The following ADAM23 variants were observed in gnomAD, a reference collection of about 807,000 sequenced individuals.
ADAM23 encodes disintegrin and metalloproteinase domain-containing protein 23.
ADAM23 carries 33 observed loss-of-function variants against 120.1 expected under a neutral mutation model. That is an observed-to-expected ratio of 0.27 (90% confidence interval 0.21 to 0.37). The LOEUF (loss-of-function observed/expected upper bound fraction) is 0.37, where lower values mean the gene tolerates loss of function less well. ADAM23 is among the 10% of genes least tolerant of loss of function. ADAM23 has a pLI of 1.00. For missense variants in ADAM23, 862 were observed against 1,058.2 expected (o/e 0.81, Z 2.57); for synonymous variants, 367 against 375.2 (o/e 0.98, Z 0.25).
rs372045799 is a variant in ADAM23 at position 206,459,764 on chromosome 2, C to T, written c.432+14240C>T. ...TAGCCCGTCCCTCCCAAATCCTTCC[C>T]ATCTGGTTAAATGGAACATCACCTT... is the stretch of plus-strand genomic sequence containing the variant. On this transcript the variant is annotated intron_variant, in intron 2 of 25. Coordinates refer to ENST00000264377, the MANE Select transcript of ADAM23 (RefSeq NM_003812.4). 2.0e-4 allele frequency among the ~76,000 whole-genome samples: 31 copies of T among 152,326 alleles called. No individual in the cohort carries two copies. The East Asian group carries it at 5.6e-3, about 27-fold the overall frequency.
intron 22 of ADAM23, 60 bp from the exon 23 acceptor site, chr2:206,594,677 T>C: frequency 1.9e-6 from 3 of 1,592,120 alleles, no homozygotes; most frequent in Non-Finnish European, 2.6e-6. Context: ...CAAGCCTCAT[T>C]CATGGAATGA....
chr2:206,588,180 G>T lies in ADAM23; in HGVS notation c.1852+26G>T, dbSNP rs370578839. Reference sequence around the variant, plus strand: ...GTAGGTCGCACCTCCTTGCTTGGCGGTTACACATACCATTTTCTCTTAATA... The same window carrying T: ...GTAGGTCGCACCTCCTTGCTTGGCGTTTACACATACCATTTTCTCTTAATA... On this transcript the variant is annotated intron_variant, in intron 20 of 25. Coordinates refer to ENST00000264377, the MANE Select transcript of ADAM23 (RefSeq NM_003812.4). 258 of 1,610,952 alleles carry T rather than the reference G, an allele frequency of 1.6e-4. 3 individuals are homozygous for T. In the Admixed American group the frequency reaches 3.5e-3, roughly 22 times the overall value.
At chr2:206,531,224 G>C (rs1697055426) in intron 4 of ADAM23, among the ~76,000 whole-genome samples, 1 of 152,210 alleles carries the variant, frequency 6.6e-6, no homozygotes, top group East Asian at 1.9e-4. Context: ...GCACCTGAAA[G>C]TAGTTAGTAA....
rs544923055 is a variant in ADAM23, at chr2:206,518,445, C to T, written c.510-12440C>T. Among the ~76,000 whole-genome samples the T allele has an allele frequency of 2.9e-3, 440 of 152,146 alleles. 3 individuals carry two copies. The highest frequency in any genetic ancestry group is 3.1e-3 in the Non-Finnish European group (213 of 67,964). On this transcript the variant is annotated intron_variant, in intron 3 of 25. Transcript: ENST00000264377. ...CAAATTTGCTTATTATAAGATTTTG[C>T]TGGATGAGTACTTATATTTTCAGTA...
intron 4 of ADAM23, among the ~76,000 whole-genome samples, chr2:206,535,009 T>C (rs1283053944): frequency 1.3e-5 from 2 of 151,810 alleles, no homozygotes; most frequent in African/African-American, 2.4e-5. Context: ...GAGTACATTC[T>C]CTCCACCTTT....
chr2:206,599,176 G>A (rs928590306), intron 24 of ADAM23, among the ~76,000 whole-genome samples: 3 of 149,240 alleles, frequency 2.0e-5, no homozygotes, highest in African/African-American at 7.4e-5. Flanking sequence ...TTGTACTCCA[G>A]CCTGGGTAAC....
At chr2:206,554,813 G>T (rs1310048348) in intron 9 of ADAM23, among the ~76,000 whole-genome samples, 2 of 152,080 alleles carry the variant, frequency 1.3e-5, no homozygotes, top group East Asian at 3.9e-4. Context: ...TAAACCCTAG[G>T]TGTCCAATTA....
chr2:206,607,574 T>A (rs139954649), intron 24 of ADAM23, among the ~76,000 whole-genome samples: 2 of 152,220 alleles, frequency 1.3e-5, no homozygotes, highest in African/African-American at 4.8e-5. Flanking sequence ...GTCCTTGTTA[T>A]CAGCATTTGT....
At position 206,617,772 on chromosome 2, in the gene ADAM23, G is replaced by T; in HGVS notation, c.*145G>T. 6.9e-7 allele frequency: 1 copy of T among 1,455,184 alleles called. No individual in the cohort carries two copies. The highest frequency in any genetic ancestry group is 9.1e-7 in the Non-Finnish European group (1 of 1,101,124). The allele number at this position is 1,455,184 out of a possible 1,614,324, so 90.1% of individuals were successfully genotyped here. A position where few individuals can be genotyped will look rare whatever the true frequency, so the allele number is the denominator to read the frequency against. ...GAGCTAAAGTTGGGGTGACAAGGAT[G>T]GGGTAAAAGAAAACTGTCTCTTTTG... On this transcript the variant is annotated 3_prime_UTR_variant, in exon 26 of 26. Coordinates refer to ENST00000264377, the MANE Select transcript of ADAM23 (RefSeq NM_003812.4).
chr2:206,573,200 G>A lies in ADAM23; in HGVS notation c.1737+5G>A, dbSNP rs371384382. 1.8e-5 allele frequency: 29 copies of A among 1,613,640 alleles called. No individual in the cohort carries two copies. In the African/African-American group the frequency reaches 3.5e-4, roughly 19 times the overall value. ...TGTACTGGAGACTCTGGTCAGGTATGGCGCACTGAGTTTTTGGTAATACAT... is the reference window on the plus strand; with the variant it reads ...TGTACTGGAGACTCTGGTCAGGTATAGCGCACTGAGTTTTTGGTAATACAT... On this transcript the variant is annotated splice_donor_5th_base_variant and intron_variant, in intron 18 of 25. Coordinates refer to ENST00000264377, the MANE Select transcript of ADAM23 (RefSeq NM_003812.4).
intron 3 of ADAM23, among the ~76,000 whole-genome samples, chr2:206,501,994 A>G (rs1333803870): frequency 6.6e-6 from 1 of 152,184 alleles, no homozygotes; most frequent in Non-Finnish European, 1.5e-5. Context: ...GTTTATTCTA[A>G]AAATTAAATT....
chr2:206,507,665 G>A lies in ADAM23; in HGVS notation c.510-23220G>A, dbSNP rs867000413. Among the ~76,000 whole-genome samples the A allele has an allele frequency of 1.8e-4, 27 of 152,184 alleles. 2 individuals carry two copies. Among genetic ancestry groups the A allele is most frequent in the East Asian group, 1.9e-4 (1 of 5,180 alleles). The stretch of plus-strand genomic sequence containing the variant: ...GATTTATTGTATGGCTTTTTCCTGC[G>A]TGCTTCATTTAAAAATGTACTTTTC... On this transcript the variant is annotated intron_variant, in intron 3 of 25. Coordinates refer to ENST00000264377, the MANE Select transcript of ADAM23 (RefSeq NM_003812.4).
At chr2:206,485,141 A>G (rs1695985308) in intron 3 of ADAM23, among the ~76,000 whole-genome samples, 1 of 152,132 alleles carries the variant, frequency 6.6e-6, no homozygotes, top group South Asian at 2.1e-4. Context: ...GTGCAACCTG[A>G]GTGTGCAAGG....
intron 3 of ADAM23, among the ~76,000 whole-genome samples, chr2:206,525,881 C>T (rs1294506196): frequency 2.6e-5 from 4 of 152,068 alleles, no homozygotes; most frequent in East Asian, 1.9e-4. Flanking sequence ...TGAGCCACCG[C>T]GTCTGGCTGG....
chr2:206,518,182 C>A (rs987346941), intron 3 of ADAM23, among the ~76,000 whole-genome samples: 1 of 152,160 alleles, frequency 6.6e-6, no homozygotes, highest in African/African-American at 2.4e-5. Flanking sequence ...GATTTTATTA[C>A]TGGCACATTA....
chr2:206,611,681 T>G (rs185148822), intron 25 of ADAM23, among the ~76,000 whole-genome samples: 169 of 152,352 alleles, frequency 1.1e-3, no homozygotes, highest in African/African-American at 3.8e-3. Flanking sequence ...TTGCAGTGTT[T>G]CGAGAGAAGA....
At chr2:206,533,545 G>T (rs558103274) in intron 4 of ADAM23, among the ~76,000 whole-genome samples, 5 of 152,242 alleles carry the variant, frequency 3.3e-5, no homozygotes, top group Admixed American at 1.3e-4. Context: ...TGCACACATT[G>T]TACACACACA....
chr2:206,491,030 G>C (rs1225173316), intron 3 of ADAM23, among the ~76,000 whole-genome samples: 1 of 152,062 alleles, frequency 6.6e-6, no homozygotes, highest in African/African-American at 2.4e-5. Flanking sequence ...AACATAACAA[G>C]ATTATTAAAA....
chr2:206,513,048 C>T (rs1417288856), intron 3 of ADAM23, among the ~76,000 whole-genome samples: 2 of 152,068 alleles, frequency 1.3e-5, no homozygotes, highest in African/African-American at 4.8e-5. Context: ...TGGCCATTCC[C>T]CTTCTCTCTC....
Sources: allele counts gnomAD v4.1 joint callset (sites outside exome capture counted in the v4.1 genomes callset), GRCh38; gene constraint gnomAD v4.1.1; transcripts MANE v1.5; gene names NCBI Gene and HGNC (gene_info 2026-07-23, HGNC 2026-07-21).